Variants in PPFIA2 observed in about 807,000 individuals in gnomAD.
PPFIA2 encodes PPFI scaffold protein A2.
PPFIA2 carries 46 observed loss-of-function variants against 175.5 expected under a neutral mutation model. The observed-to-expected ratio is 0.26, with a 90% CI of 0.21 to 0.34. The LOEUF is 0.34. Among genes scored for constraint, PPFIA2 ranks in the 10% least tolerant of loss-of-function variants. The pLI is 1.00. For missense variants in PPFIA2, 1,179 were observed against 1,506.1 expected, an observed-to-expected ratio of 0.78 and a Z score of 3.60; for synonymous variants, 568 against 511.4, an observed-to-expected ratio of 1.11 and a Z score of -1.49.
In PPFIA2 at chr12:81,754,147, C is replaced by T. The variant is rs767226421; in HGVS notation, c.75G>A (p.Ser25=). 8.7e-6 allele frequency: 14 copies of T among 1,612,706 alleles called. No individual in the cohort carries two copies. The highest frequency in any genetic ancestry group is 2.2e-5 in the South Asian group (2 of 90,850). ...GCTGCTCAAAATGGGAGTCTGAGTCCGAGCCACTGCTTTGGGACCCCCTTT... is the reference window on the plus strand; with the variant it reads ...GCTGCTCAAAATGGGAGTCTGAGTCTGAGCCACTGCTTTGGGACCCCCTTT... The part of the protein sequence containing the change: ...MSQRGSQSSG[S]DSDSHFEQLM... The change falls in exon 3 of 33, where the codon TCG becomes TCA. Residue 25 remains serine (S), a synonymous_variant. Transcript: ENST00000549396.
intron 9 of PPFIA2, among the ~76,000 whole-genome samples, chr12:81,382,072 T>C (rs2037846751): frequency 6.6e-6 from 1 of 152,112 alleles, no homozygotes; most frequent in South Asian, 2.1e-4. Flanking sequence ...TGTCAGGTGA[T>C]AGAAAGTCCT....
chr12:81,524,116 T>A (rs1183584161), intron 4 of PPFIA2, among the ~76,000 whole-genome samples: 1 of 152,144 alleles, frequency 6.6e-6, no homozygotes, highest in Non-Finnish European at 1.5e-5. Flanking sequence ...ATGAAGAACA[T>A]CAGTGCCCAG....
chr12:81,403,361 T>C (rs1321226478), intron 8 of PPFIA2, among the ~76,000 whole-genome samples: 2 of 152,190 alleles, frequency 1.3e-5, no homozygotes, highest in African/African-American at 4.8e-5. Flanking sequence ...TAAATCCTCA[T>C]CCTAATTCTG....
At chr12:81,650,092 C>A (rs2066793845) in intron 4 of PPFIA2, among the ~76,000 whole-genome samples, 1 of 151,860 alleles carries the variant, frequency 6.6e-6, no homozygotes. Context: ...TCACTGCAAG[C>A]TCCGCCTTCC....
intron 4 of PPFIA2, among the ~76,000 whole-genome samples, chr12:81,483,042 C>T (rs2058426758): frequency 1.3e-5 from 2 of 152,110 alleles, no homozygotes; most frequent in Admixed American, 6.6e-5. Flanking sequence ...TAGAATAATT[C>T]TGCCACAACA....
rs922353770 is a variant in PPFIA2, at chr12:81,311,397, G to T, written c.2643-12015C>A. ...GATATGTGCCGTTCTATTCATTGATGAATAAGTTTGTCTCTTGAACATAAC... is the reference window on the plus strand; with the variant it reads ...GATATGTGCCGTTCTATTCATTGATTAATAAGTTTGTCTCTTGAACATAAC... On this transcript the variant is annotated intron_variant, in intron 22 of 32. Coordinates refer to ENST00000549396, the MANE Select transcript of PPFIA2 (RefSeq NM_003625.5). Among the ~76,000 whole-genome samples, 11 of 152,246 alleles carry T rather than the reference G, an allele frequency of 7.2e-5. No homozygotes were observed. The East Asian group carries it at 9.7e-4, about 13-fold the overall frequency.
intron 4 of PPFIA2, among the ~76,000 whole-genome samples, chr12:81,544,590 T>C (rs1202173687): frequency 6.6e-6 from 1 of 152,150 alleles, no homozygotes; most frequent in African/African-American, 2.4e-5. Flanking sequence ...ATTATGTAAT[T>C]ATTCCATTTT....
chr12:81,507,924 C>T (rs947651714), intron 4 of PPFIA2, among the ~76,000 whole-genome samples: 1 of 152,130 alleles, frequency 6.6e-6, no homozygotes, highest in African/African-American at 2.4e-5. Context: ...AACCCTATCA[C>T]ATAACCAAAA....
At chr12:81,610,012 T>G (rs1259823634) in intron 4 of PPFIA2, among the ~76,000 whole-genome samples, 1 of 152,162 alleles carries the variant, frequency 6.6e-6, no homozygotes, top group East Asian at 1.9e-4. Flanking sequence ...AGAAGGATTT[T>G]ATTTCTCCTT....
chr12:81,711,471 TTATC>T (rs762548103), intron 3 of PPFIA2, among the ~76,000 whole-genome samples: 101 of 151,432 alleles, frequency 6.7e-4, no homozygotes, highest in African/African-American at 1.0e-3. Flanking sequence ...ATCTATCTAT[TTATC>T]TATCTATCTA....
chr12:81,704,716 A>G (rs1050759585), intron 3 of PPFIA2, among the ~76,000 whole-genome samples: 1 of 152,076 alleles, frequency 6.6e-6, no homozygotes, highest in Non-Finnish European at 1.5e-5. Context: ...ATTTTTCTAT[A>G]AGTTATATTA....
At position 81,413,038 on chromosome 12, in the gene PPFIA2, C is replaced by A. The variant is rs146896280; in HGVS notation, c.646-7135G>T. On this transcript the variant is annotated intron_variant, in intron 7 of 32. Coordinates refer to ENST00000549396, the MANE Select transcript of PPFIA2 (RefSeq NM_003625.5). ...TTTCAGATGAATTCGGGGACAATAT[C>A]TTCCCAAGGAGTTACAGAATGCCTT... 1.6e-3 allele frequency among the ~76,000 whole-genome samples: 236 copies of A among 151,950 alleles called. 2 individuals carry two copies. The highest frequency in any genetic ancestry group is 4.9e-3 in the African/African-American group (204 of 41,510).
rs372869301 is a variant in PPFIA2, at chr12:81,263,396, A to C, written c.3556-6T>G. 93 of 1,611,516 alleles carry C rather than the reference A, an allele frequency of 5.8e-5. No individual in the cohort carries two copies. Among genetic ancestry groups the C allele is most frequent in the Non-Finnish European group, 7.3e-5 (86 of 1,177,876 alleles). ...CTGAAGTTCTTGTCATCACTCTGCC[A>C]GTACAGTTATAAGGTGATGTTATGA... On this transcript the variant is annotated splice_polypyrimidine_tract_variant and splice_region_variant and intron_variant, in intron 30 of 32. Transcript: ENST00000549396.
intron 3 of PPFIA2, among the ~76,000 whole-genome samples, chr12:81,709,806 A>G (rs1374166090): frequency 6.6e-6 from 1 of 152,054 alleles, no homozygotes; most frequent in Non-Finnish European, 1.5e-5. Context: ...TTTTTTAAAT[A>G]GATATTTTTC....
At chr12:81,678,172 GA>G (rs2072930582) in intron 3 of PPFIA2, among the ~76,000 whole-genome samples, 1 of 151,804 alleles carries the variant, frequency 6.6e-6, no homozygotes, top group Non-Finnish European at 1.5e-5. Flanking sequence ...CAGGGATGAA[GA>G]GGGGGGAATA....
At chr12:81,489,438 A>T (rs2059190294) in intron 4 of PPFIA2, among the ~76,000 whole-genome samples, 1 of 151,850 alleles carries the variant, frequency 6.6e-6, no homozygotes, top group Non-Finnish European at 1.5e-5. Context: ...CACATGTTTC[A>T]ATGCACCTGT....
intron 8 of PPFIA2, among the ~76,000 whole-genome samples, chr12:81,399,116 A>G (rs2041690291): frequency 6.6e-6 from 1 of 151,948 alleles, no homozygotes; most frequent in Admixed American, 6.6e-5. Flanking sequence ...GCCTTGCTTA[A>G]CAGATCGCAC....
intron 12 of PPFIA2, 79 bp downstream of exon 12, chr12:81,369,032 G>A: frequency 7.5e-7 from 1 of 1,333,350 alleles, no homozygotes; most frequent in Non-Finnish European, 1.0e-6. Flanking sequence ...CCCATACTCA[G>A]TTAAAGGCTT....
intron 4 of PPFIA2, among the ~76,000 whole-genome samples, chr12:81,644,579 T>C (rs1462825405): frequency 1.3e-5 from 2 of 151,854 alleles, no homozygotes; most frequent in Non-Finnish European, 3.0e-5. Context: ...TTTTTAGTTT[T>C]TTCTTCAGAA....
Sources: gnomAD v4.1 joint callset for allele counts (sites outside exome capture counted in the v4.1 genomes callset) on GRCh38, gnomAD v4.1.1 for gene constraint, MANE v1.5 for transcripts, NCBI Gene and HGNC (gene_info 2026-07-23, HGNC 2026-07-21) for gene names.